The following RBM6 variants were observed in gnomAD, a reference collection of about 807,000 sequenced individuals.
RBM6 encodes RNA binding motif protein 6, also known as RNA-binding protein 6.
A neutral mutation model predicts 140.4 loss-of-function variants in RBM6; 23 were observed. The observed-to-expected ratio is 0.16, with a 90% CI of 0.12 to 0.23. RBM6 has a LOEUF of 0.23. Ranked by LOEUF, RBM6 falls within the 10% of genes least tolerant of loss-of-function variation. RBM6 has a pLI of 1.00. For missense variants in RBM6, 1,139 were observed against 1,386.7 expected (o/e 0.82, Z 2.84); for synonymous variants, 439 against 475.6 (o/e 0.92, Z 1.00).
At chr3:50,058,766 A>C in intron 10 of RBM6, 2 of 376,354 alleles carry the variant, frequency 5.3e-6, no homozygotes, top group Admixed American at 3.9e-5. Flanking sequence ...ATACAGAAAA[A>C]TTAGCTGGGC....
At chr3:49,972,239 C>A in intron 4 of RBM6, 91 bp downstream of exon 4, 1 of 951,844 alleles carries the variant, frequency 1.1e-6, no homozygotes, top group Non-Finnish European at 1.6e-6. Flanking sequence ...CAAGAAGGTG[C>A]AAAGAAATGC....
intron 5 of RBM6, among the ~76,000 whole-genome samples, chr3:49,984,396 C>G (rs1317926893): frequency 6.6e-6 from 1 of 152,128 alleles, no homozygotes. Context: ...CACTTGAGGC[C>G]AGGAGTTACA....
chr3:49,957,137 C>G (rs1048562040), intron 1 of RBM6, among the ~76,000 whole-genome samples: 3 of 151,970 alleles, frequency 2.0e-5, no homozygotes, highest in African/African-American at 4.8e-5. Flanking sequence ...ACATGTGCCA[C>G]CTGCCTTTTT....
intron 19 of RBM6, among the ~76,000 whole-genome samples, chr3:50,071,151 A>T (rs2090286758): frequency 6.6e-6 from 1 of 152,180 alleles, no homozygotes; most frequent in Non-Finnish European, 1.5e-5. Context: ...ATCAGTGGGG[A>T]AGGGAAGGGC....
rs577092565 is a variant in RBM6 at position 49,942,947 on chromosome 3, T to G, written c.-67+2722T>G. 3.9e-5 allele frequency among the ~76,000 whole-genome samples: 6 copies of G among 152,328 alleles called. No individual in the cohort carries two copies. In the East Asian group the frequency reaches 1.2e-3, roughly 29 times the overall value. ...TAATCTCTAATCTACTTTGTGTCTG[T>G]CTGTGAGTGTGCTTGTTCTAGGTAC... is the stretch of plus-strand genomic sequence containing the variant. On this transcript the variant is annotated intron_variant, in intron 1 of 20. Transcript: ENST00000266022.
intron 6 of RBM6, among the ~76,000 whole-genome samples, chr3:50,019,254 A>AT (rs1229670922): frequency 6.6e-6 from 1 of 151,910 alleles, no homozygotes; most frequent in Non-Finnish European, 1.5e-5. Context: ...TGAACTCCTG[A>AT]CCTTAGGTGA....
intron 6 of RBM6, among the ~76,000 whole-genome samples, chr3:50,025,436 A>G (rs2087745621): frequency 6.6e-6 from 1 of 151,192 alleles, no homozygotes; most frequent in South Asian, 2.1e-4. Flanking sequence ...AAAGAAAACA[A>G]AACACCACGG....
At chr3:50,007,765 C>A (rs7652934) in intron 6 of RBM6, among the ~76,000 whole-genome samples, 12 of 152,092 alleles carry the variant, frequency 7.9e-5, no homozygotes, top group African/African-American at 2.9e-4. Context: ...GATCTCCTGA[C>A]CTCGTGATCC....
chr3:50,075,432 C>T (rs2090431972), intron 20 of RBM6, 102 bp downstream of exon 20: 1 of 1,460,678 alleles, frequency 6.8e-7, no homozygotes, highest in Non-Finnish European at 9.3e-7. Context: ...GCTGGGCTTT[C>T]TCTACTGCTG....
chr3:49,981,143 G>A (rs1043884814), intron 5 of RBM6, among the ~76,000 whole-genome samples: 1 of 151,934 alleles, frequency 6.6e-6, no homozygotes, highest in East Asian at 1.9e-4. Flanking sequence ...CTCATGATTC[G>A]TCCACCTCTG....
At chr3:49,978,942 T>C (rs2085179256) in intron 5 of RBM6, among the ~76,000 whole-genome samples, 1 of 152,186 alleles carries the variant, frequency 6.6e-6, no homozygotes. Context: ...GAGTAAAATG[T>C]CTTTTGGTGA....
chr3:49,958,764 A>AT (rs2084132173), intron 1 of RBM6, among the ~76,000 whole-genome samples: 2 of 149,654 alleles, frequency 1.3e-5, no homozygotes, highest in Non-Finnish European at 3.0e-5. Context: ...AAAAAAAAAA[A>AT]TTCATTCTGA....
intron 19 of RBM6, among the ~76,000 whole-genome samples, chr3:50,074,527 G>A (rs1187603867): frequency 6.6e-6 from 1 of 151,992 alleles, no homozygotes; most frequent in African/African-American, 2.4e-5. Context: ...CTCCATGTTG[G>A]TCAGGCTGGT....
chr3:49,963,853 A>G (rs1000157933), intron 2 of RBM6, among the ~76,000 whole-genome samples: 3 of 152,160 alleles, frequency 2.0e-5, no homozygotes, highest in Non-Finnish European at 4.4e-5. Flanking sequence ...GTATGCATTC[A>G]TAAGTATTGT....
At chr3:50,060,774 A>G (rs913152725) in intron 11 of RBM6, 182 bp from the exon 12 acceptor site, 2 of 411,538 alleles carry the variant, frequency 4.9e-6, no homozygotes, top group South Asian at 1.9e-4. Context: ...AAAAAAAAAA[A>G]AAGAGTCTTA....
Position 50,077,102 on chromosome 3 carries a change from T to C in RBM6, c.3341T>C (p.Val1114Ala). 6.2e-7 allele frequency: 1 copy of C among 1,612,722 alleles called. No individual in the cohort carries two copies. Among genetic ancestry groups the C allele is most frequent in the Non-Finnish European group, 8.5e-7 (1 of 1,179,686 alleles). ...ACTTACCGAGATGCTGTTCGAAGAG[T>C]CATGTTTGCTCGATATAAAGAACTC... ...NETYRDAVRR[V>A]MFARYKELD Residue 1114 changes from valine to alanine, a missense_variant, in exon 21 of 21, where the codon GTC becomes GCC. Physicochemically the swap from Val to Ala is moderately conservative, Grantham distance 64 (BLOSUM62 0). This residue lies in a region of RBM6 where 125 missense variants were observed against 142.0 expected (regional missense o/e 0.88). Transcript: ENST00000266022.
At chr3:50,045,095 A>G (rs527790081) in intron 6 of RBM6, among the ~76,000 whole-genome samples, 1 of 152,312 alleles carries the variant, frequency 6.6e-6, no homozygotes, top group East Asian at 1.9e-4. Context: ...GGTAAAAGTA[A>G]TCTCAAAGTT....
At chr3:49,961,465 G>A (rs1320894560) in intron 1 of RBM6, among the ~76,000 whole-genome samples, 2 of 151,594 alleles carry the variant, frequency 1.3e-5, no homozygotes, top group African/African-American at 2.4e-5. Context: ...TTACAGGTAT[G>A]AGCCACCGTG....
At chr3:50,014,190 G>C (rs2086997777) in intron 6 of RBM6, among the ~76,000 whole-genome samples, 1 of 152,146 alleles carries the variant, frequency 6.6e-6, no homozygotes, top group African/African-American at 2.4e-5. Flanking sequence ...ATTGGCAAGG[G>C]GGTTTGGGAA....
Sources: allele counts gnomAD v4.1 joint callset (sites outside exome capture counted in the v4.1 genomes callset), GRCh38; gene constraint gnomAD v4.1.1; regional missense constraint gnomAD v4.1.1; transcripts MANE v1.5; gene names NCBI Gene and HGNC (gene_info 2026-07-23, HGNC 2026-07-21).